LHX4: variants seen among roughly 807,000 people sequenced by gnomAD.
LHX4 encodes LIM homeobox 4.
LHX4 carries 16 observed loss-of-function variants against 39.2 expected under a neutral mutation model. The ratio of observed to expected loss-of-function variants is 0.41; its 90% CI spans 0.28 to 0.62. The LOEUF is 0.62. Ranked by LOEUF, LHX4 falls within the 20% of genes least tolerant of loss-of-function variation. The probability of loss-of-function intolerance (pLI) is 0.33; values close to 1 mark genes in which losing one functional copy is unlikely to be tolerated. For synonymous variants in LHX4, 206 were observed against 198.1 expected (o/e 1.04, Z -0.33); for missense variants, 439 against 511.9 (o/e 0.86, Z 1.37).
rs567479115 is a variant in LHX4, at chr1:180,260,398, C to A, written c.249-5994C>A. Among the ~76,000 whole-genome samples the A allele has an allele frequency of 5.6e-3, 857 of 151,882 alleles. 7 individuals are homozygous for A. The highest frequency in any genetic ancestry group is 9.4e-3 in the Non-Finnish European group (638 of 68,000). ...TCCCTGCAGGGCCTGCCTGCTGCCC[C>A]CTTTCTACAGGGTCCAGACCCTCAA... On this transcript the variant is annotated intron_variant, in intron 2 of 5. Transcript: ENST00000263726.
intron 5 of LHX4, chr1:180,273,903 T>G: frequency 4.2e-6 from 2 of 481,566 alleles, no homozygotes; most frequent in South Asian, 2.1e-5. Flanking sequence ...GCCAGAGTAT[T>G]AGTACACGAG....
rs557484323 is a variant in LHX4, at chr1:180,274,662, C to T, written c.*83C>T. On this transcript the variant is annotated 3_prime_UTR_variant, in exon 6 of 6. Transcript: ENST00000263726. Reference sequence around the variant, plus strand: ...CAAAAGAGACTTGCCTTTTAAGGATCGAAAGTACGCCAATGTGAATTTCCA... The same window carrying T: ...CAAAAGAGACTTGCCTTTTAAGGATTGAAAGTACGCCAATGTGAATTTCCA... 24 of 1,412,312 alleles carry T rather than the reference C, an allele frequency of 1.7e-5. No homozygotes were observed. Among genetic ancestry groups the T allele is most frequent in the African/African-American group, 4.3e-5 (3 of 69,962 alleles). The allele number at this position is 1,412,312 out of a possible 1,614,324, so 87.5% of individuals were successfully genotyped here. A position where few individuals can be genotyped will look rare whatever the true frequency, so the allele number is the denominator to read the frequency against.
intron 2 of LHX4, among the ~76,000 whole-genome samples, chr1:180,259,587 G>T (rs984910182): frequency 1.3e-5 from 2 of 151,616 alleles, no homozygotes; most frequent in South Asian, 2.1e-4. Context: ...GGGGCTCAGT[G>T]GGGGAGCGGG....
intron 1 of LHX4, among the ~76,000 whole-genome samples, chr1:180,235,859 G>C (rs1427040409): frequency 6.6e-6 from 1 of 152,212 alleles, no homozygotes; most frequent in Non-Finnish European, 1.5e-5. Context: ...TGTCTCAGGG[G>C]GTTTGCTTTG....
rs1038165962 is a variant in LHX4, at chr1:180,234,890, A to G, written c.76+4285A>G. On this transcript the variant is annotated intron_variant, in intron 1 of 5. Transcript: ENST00000263726. The surrounding 1 kb of genome is among the most constrained non-coding windows in gnomAD (Gnocchi z 4.8). ...CACATGACCTCGCTACGACCGGGGC[A>G]GGGCTCCTCCGCCCCGCGGGCAGAT... Among the ~76,000 whole-genome samples, 1 of 152,216 alleles carries G rather than the reference A, an allele frequency of 6.6e-6. No individual in the cohort carries two copies. The highest frequency in any genetic ancestry group is 1.5e-5 in the Non-Finnish European group (1 of 68,026).
In LHX4 at chr1:180,276,323, T is replaced by G. The variant is rs1224826982; in HGVS notation, c.*1744T>G. 1 of 132,550 alleles carries G rather than the reference T, an allele frequency of 7.5e-6. No homozygotes were observed. Among genetic ancestry groups the G allele is most frequent in the Non-Finnish European group, 1.6e-5 (1 of 62,384 alleles). 8.2% of individuals were successfully genotyped at this position (132,550 alleles called of 1,614,324 possible). On this transcript the variant is annotated 3_prime_UTR_variant, in exon 6 of 6. Transcript: ENST00000263726. Reference sequence around the variant, plus strand: ...CTGCTACATCTTTTGTAAGCCCTTTTCCAGGACTAAACTAAGTTCAATTAA... The same window carrying G: ...CTGCTACATCTTTTGTAAGCCCTTTGCCAGGACTAAACTAAGTTCAATTAA...
intron 1 of LHX4, among the ~76,000 whole-genome samples, chr1:180,243,790 C>T (rs912092174): frequency 1.3e-5 from 2 of 152,140 alleles, no homozygotes; most frequent in Non-Finnish European, 2.9e-5. Context: ...TTTCCATTTA[C>T]CCAGCTGTTA....
intron 2 of LHX4, among the ~76,000 whole-genome samples, chr1:180,262,737 CT>C (rs1648159519): frequency 6.6e-6 from 1 of 151,972 alleles, no homozygotes; most frequent in East Asian, 1.9e-4. Context: ...CAAGCCTCCC[CT>C]GACTACTCAG....
At chr1:180,244,936 T>TAGCAGGCTCCTGCCACGGCTGTGCCC (rs1647331020) in intron 1 of LHX4, among the ~76,000 whole-genome samples, 1 of 152,186 alleles carries the variant, frequency 6.6e-6, no homozygotes, top group South Asian at 2.1e-4. Context: ...CAGCTGTGCC[T>TAGCAGGCTCCTGCCACGGCTGTGCCC]AGCAGCCTCC....
At chr1:180,245,274 C>T (rs1261202710) in intron 1 of LHX4, among the ~76,000 whole-genome samples, 2 of 152,240 alleles carry the variant, frequency 1.3e-5, no homozygotes, top group African/African-American at 4.8e-5. Context: ...CTTTCTCCTG[C>T]TTCAGACTGG....
At chr1:180,239,440 C>T (rs889930263) in intron 1 of LHX4, among the ~76,000 whole-genome samples, 3 of 152,226 alleles carry the variant, frequency 2.0e-5, no homozygotes, top group East Asian at 3.8e-4. Flanking sequence ...CCCCATTTGG[C>T]GTCTCCTTTC....
chr1:180,271,596 A>C (rs1648664528), intron 4 of LHX4, 62 bp downstream of exon 4: 1 of 1,591,354 alleles, frequency 6.3e-7, no homozygotes, highest in Non-Finnish European at 8.6e-7. Context: ...GGTGGAAGGT[A>C]TCCTGAGTGA....
At chr1:180,264,231 C>T (rs907550547) in intron 2 of LHX4, among the ~76,000 whole-genome samples, 2 of 152,196 alleles carry the variant, frequency 1.3e-5, no homozygotes, top group East Asian at 1.9e-4. Flanking sequence ...GGATTACAGG[C>T]GTGAGCCACC....
intron 1 of LHX4, among the ~76,000 whole-genome samples, chr1:180,240,452 T>C (rs774111184): frequency 2.0e-5 from 3 of 152,274 alleles, no homozygotes; most frequent in Non-Finnish European, 4.4e-5. Flanking sequence ...TTTTCTTAAA[T>C]ATATTTTAGA....
chr1:180,270,970 CT>C (rs1359916118), intron 3 of LHX4: 2 of 310,386 alleles, frequency 6.4e-6, no homozygotes, highest in Non-Finnish European at 1.3e-5. Context: ...GGGAGGGCAT[CT>C]GGGGCGACTT....
At chr1:180,252,128 G>A (rs879768310) in intron 2 of LHX4, among the ~76,000 whole-genome samples, 4 of 152,186 alleles carry the variant, frequency 2.6e-5, no homozygotes, top group Non-Finnish European at 5.9e-5. Flanking sequence ...GGACTTGCTG[G>A]CCACCTGGGG....
At chr1:180,250,409 G>A (rs1647576870) in intron 2 of LHX4, among the ~76,000 whole-genome samples, 1 of 152,196 alleles carries the variant, frequency 6.6e-6, no homozygotes, top group South Asian at 2.1e-4. Context: ...TGTGTGAAGA[G>A]GGCAGGAAGC....
intron 3 of LHX4, chr1:180,269,573 A>G (rs1403455145): frequency 6.6e-6 from 1 of 152,248 alleles, no homozygotes; most frequent in Non-Finnish European, 1.5e-5. Flanking sequence ...TGGCGCTACC[A>G]TCTGGCTGTG....
rs1180281603 is a variant in LHX4 at position 180,266,808 on chromosome 1, T to G, written c.451+214T>G. ...GCACTCGCCGGCTTCATGGAAGTGT[T>G]CATCCAGCCATGGTTCCTGAGAGCC... On this transcript the variant is annotated intron_variant, in intron 3 of 5. Coordinates refer to ENST00000263726, the MANE Select transcript of LHX4 (RefSeq NM_033343.4). The surrounding 1 kb of genome is among the most constrained non-coding windows in gnomAD (Gnocchi z 5.7). Among the ~76,000 whole-genome samples, 2 of 152,190 alleles carry G rather than the reference T, an allele frequency of 1.3e-5. No individual in the cohort carries two copies. The highest frequency in any genetic ancestry group is 3.8e-4 in the East Asian group (2 of 5,200).
Sources: allele counts gnomAD v4.1 joint callset (sites outside exome capture counted in the v4.1 genomes callset), GRCh38; gene constraint gnomAD v4.1.1; non-coding constraint Gnocchi (gnomAD v3.1); transcripts MANE v1.5; gene names NCBI Gene and HGNC (gene_info 2026-07-23, HGNC 2026-07-21).